The following PCDH15 variants were observed in gnomAD, a reference collection of about 807,000 sequenced individuals.
PCDH15 encodes protocadherin-15.
Under a neutral mutation model 178.5 loss-of-function variants are expected in PCDH15, and 129 were observed. That is an observed-to-expected ratio of 0.72 (90% CI 0.63 to 0.84). PCDH15 has a LOEUF of 0.84. Among genes scored for constraint, PCDH15 ranks in the 40% least tolerant of loss-of-function variants. The pLI is 0.00. For missense variants in PCDH15, 2,230 were observed against 2,099.9 expected (o/e 1.06, Z -1.21); for synonymous variants, 800 against 732.0 (o/e 1.09, Z -1.50).
intron 15 of PCDH15, among the ~76,000 whole-genome samples, chr10:54,105,598 A>G (rs187408309): frequency 6.6e-6 from 1 of 152,050 alleles, no homozygotes; most frequent in East Asian, 1.9e-4. Flanking sequence ...TTATTTTCTG[A>G]TTAGATGGTG....
intron 23 of PCDH15, among the ~76,000 whole-genome samples, chr10:53,941,695 G>A (rs532451857): frequency 3.9e-5 from 6 of 152,184 alleles, no homozygotes; most frequent in African/African-American, 1.4e-4. Flanking sequence ...ATGATTACTG[G>A]ATTTTATAGT....
At chr10:54,698,087 T>C (rs1050607947) in intron 1 of PCDH15, among the ~76,000 whole-genome samples, 1 of 152,056 alleles carries the variant, frequency 6.6e-6, no homozygotes. Flanking sequence ...AATGACTATC[T>C]TCTCATTCAA....
chr10:54,862,592 T>C (rs1953862736), intron 3 of PCDH15, among the ~76,000 whole-genome samples: 1 of 152,204 alleles, frequency 6.6e-6, no homozygotes, highest in Admixed American at 6.5e-5. Flanking sequence ...GTTTTCGTCC[T>C]GGTGTCTGGT....
At chr10:54,388,570 C>T (rs755283289) in intron 3 of PCDH15, among the ~76,000 whole-genome samples, 5 of 152,106 alleles carry the variant, frequency 3.3e-5, no homozygotes, top group African/African-American at 1.2e-4. Context: ...TTCTACTAGC[C>T]GTTATCTGAG....
intron 26 of PCDH15, among the ~76,000 whole-genome samples, chr10:53,881,401 C>A (rs2133344975): frequency 6.6e-6 from 1 of 152,126 alleles, no homozygotes; most frequent in African/African-American, 2.4e-5. Flanking sequence ...TACCACTACA[C>A]AATACATCCA....
intron 1 of PCDH15, among the ~76,000 whole-genome samples, chr10:55,282,811 C>G (rs182200065): frequency 1.3e-5 from 2 of 152,138 alleles, no homozygotes; most frequent in South Asian, 4.1e-4. Flanking sequence ...GATTTGAAAT[C>G]ACCTTTGCAA....
intron 3 of PCDH15, among the ~76,000 whole-genome samples, chr10:54,891,097 C>A (rs947810540): frequency 3.3e-5 from 5 of 152,012 alleles, no homozygotes; most frequent in African/African-American, 4.8e-5. Flanking sequence ...AAATAGAGGA[C>A]ATGGTTGAGA....
intron 1 of PCDH15, among the ~76,000 whole-genome samples, chr10:55,219,476 T>C (rs1023726342): frequency 1.1e-4 from 16 of 151,872 alleles, no homozygotes; most frequent in African/African-American, 3.9e-4. Flanking sequence ...TTATTATTGC[T>C]TTTTTCTTGC....
At chr10:54,904,881 A>G (rs1305541839) in intron 2 of PCDH15, among the ~76,000 whole-genome samples, 2 of 151,590 alleles carry the variant, frequency 1.3e-5, no homozygotes, top group Non-Finnish European at 2.9e-5. Context: ...GTGGGTATAA[A>G]TTAAAAAAAA....
At chr10:55,471,141 T>C (rs1304064351) in intron 2 of PCDH15, among the ~76,000 whole-genome samples, 1 of 152,144 alleles carries the variant, frequency 6.6e-6, no homozygotes, top group Non-Finnish European at 1.5e-5. Flanking sequence ...GATTTTAGTG[T>C]GAATATATGT....
At chr10:55,240,841 C>T (rs1049428893) in intron 1 of PCDH15, among the ~76,000 whole-genome samples, 1 of 152,152 alleles carries the variant, frequency 6.6e-6, no homozygotes, top group African/African-American at 2.4e-5. Context: ...AAAAGTGACA[C>T]ATTCAAAATT....
At position 53,836,474 on chromosome 10, in the gene PCDH15, G is replaced by T. The variant is rs73238433; in HGVS notation, c.3983+3846C>A. Among the ~76,000 whole-genome samples, 787 of 151,582 alleles carry T rather than the reference G, an allele frequency of 5.2e-3. 9 individuals are homozygous for T. Among genetic ancestry groups the T allele is most frequent in the African/African-American group, 0.018 (742 of 41,400 alleles). On this transcript the variant is annotated intron_variant, in intron 29 of 37. Coordinates refer to ENST00000644397, the MANE Select transcript of PCDH15 (RefSeq NM_001384140.1). ...CACAAGCATATAGAGAGCACTGAGA[G>T]CTGAGGACTGAGTAAGAAGACTGAG...
At chr10:54,287,233 T>A (rs2059086875) in intron 8 of PCDH15, among the ~76,000 whole-genome samples, 1 of 152,208 alleles carries the variant, frequency 6.6e-6, no homozygotes, top group South Asian at 2.1e-4. Flanking sequence ...AGAAAAATAG[T>A]TTAGAAAATT....
At chr10:54,779,089 G>A (rs1950001889) in intron 1 of PCDH15, among the ~76,000 whole-genome samples, 1 of 151,890 alleles carries the variant, frequency 6.6e-6, no homozygotes, top group Non-Finnish European at 1.5e-5. Context: ...ACCCTTTTAA[G>A]TTGCAGGACT....
chr10:55,215,129 TG>T (rs1418191812), intron 1 of PCDH15, among the ~76,000 whole-genome samples: 2 of 152,120 alleles, frequency 1.3e-5, no homozygotes, highest in African/African-American at 4.8e-5. Flanking sequence ...CTCAAATCCA[TG>T]ATCTTAGACT....
chr10:55,360,413 A>G (rs1845199747), intron 2 of PCDH15, among the ~76,000 whole-genome samples: 1 of 151,982 alleles, frequency 6.6e-6, no homozygotes, highest in Non-Finnish European at 1.5e-5. Flanking sequence ...AATTGTACTT[A>G]ACATAATTAA....
chr10:54,697,693 A>AAGGGAGGAAGGGAGGG (rs1565971126), intron 1 of PCDH15, among the ~76,000 whole-genome samples: 1 of 92,182 alleles, frequency 1.1e-5, no homozygotes, highest in East Asian at 3.0e-4. Flanking sequence ...GGAAGGGAGG[A>AAGGGAGGAAGGGAGGG]AGGGAGGAAG....
intron 13 of PCDH15, among the ~76,000 whole-genome samples, chr10:54,160,672 T>A (rs1004471954): frequency 8.5e-5 from 13 of 152,214 alleles, no homozygotes; most frequent in African/African-American, 3.1e-4. Flanking sequence ...AAAGGACTTG[T>A]ATTTATAATT....
intron 1 of PCDH15, among the ~76,000 whole-genome samples, chr10:55,235,514 G>A (rs1341729124): frequency 3.9e-5 from 6 of 152,134 alleles, no homozygotes; most frequent in South Asian, 4.1e-4. Flanking sequence ...TTAAGATACC[G>A]TATTATGCTA....
Sources: gnomAD v4.1 joint callset for allele counts (sites outside exome capture counted in the v4.1 genomes callset) on GRCh38, gnomAD v4.1.1 for gene constraint, MANE v1.5 for transcripts, NCBI Gene and HGNC (gene_info 2026-07-23, HGNC 2026-07-21) for gene names.